PDE4D: variants seen among roughly 807,000 people sequenced by gnomAD.
PDE4D encodes phosphodiesterase 4D, also known as 3',5'-cyclic-AMP phosphodiesterase 4D.
Under a neutral mutation model 87.4 loss-of-function variants are expected in PDE4D, and 24 were observed. The ratio of observed to expected loss-of-function variants is 0.27; its 90% confidence interval spans 0.20 to 0.39. The LOEUF is 0.39. Among genes scored for constraint, PDE4D ranks in the 10% least tolerant of loss-of-function variants. The pLI, the probability that PDE4D is intolerant of heterozygous loss-of-function variation, is 1.00. For synonymous variants in PDE4D, 384 were observed against 383.2 expected (o/e 1.00, Z -0.02); for missense variants, 714 against 1,041.0 (o/e 0.69, Z 4.32).
intron 1 of PDE4D, among the ~76,000 whole-genome samples, chr5:59,756,298 A>T (rs1761205427): frequency 6.6e-6 from 1 of 152,136 alleles, no homozygotes; most frequent in Non-Finnish European, 1.5e-5. Context: ...GAATTTAACA[A>T]GCTAGTTATT....
At chr5:60,134,818 A>T (rs936933974) in intron 2 of PDE4D, among the ~76,000 whole-genome samples, 1 of 152,204 alleles carries the variant, frequency 6.6e-6, no homozygotes, top group Non-Finnish European at 1.5e-5. Context: ...TTTTTGATCC[A>T]TGGTTAGTTA....
intron 5 of PDE4D, among the ~76,000 whole-genome samples, chr5:59,075,075 AACACACACACACACACACACACACACAC>A (rs70973189): frequency 7.7e-6 from 1 of 129,798 alleles, no homozygotes; most frequent in African/African-American, 2.9e-5. Context: ...AAGCTTACAA[AACACACACACACACACACACACACACAC>A]ACACACACAC....
intron 1 of PDE4D, among the ~76,000 whole-genome samples, chr5:60,322,552 C>T (rs13178509): frequency 0.14 from 20,817 of 152,150 alleles, 1,565 homozygotes; most frequent in South Asian, 0.31. Context: ...ATTCTCTTAT[C>T]TTTCTCATAC....
At chr5:59,850,352 T>G (rs1744494207) in intron 1 of PDE4D, among the ~76,000 whole-genome samples, 1 of 152,054 alleles carries the variant, frequency 6.6e-6, no homozygotes, top group South Asian at 2.1e-4. Flanking sequence ...TTAATCATTA[T>G]GCACATCGGG....
intron 1 of PDE4D, among the ~76,000 whole-genome samples, chr5:59,479,072 A>G (rs551960842): frequency 6.6e-6 from 1 of 152,202 alleles, no homozygotes; most frequent in East Asian, 1.9e-4. Context: ...CATTGTTAAC[A>G]TGACAAAAGT....
At chr5:59,711,719 G>A (rs1754226121) in intron 1 of PDE4D, among the ~76,000 whole-genome samples, 1 of 152,042 alleles carries the variant, frequency 6.6e-6, no homozygotes, top group Non-Finnish European at 1.5e-5. Context: ...TTAATTGGTA[G>A]CATATTATTA....
At chr5:60,059,759 C>T (rs983923472) in intron 2 of PDE4D, among the ~76,000 whole-genome samples, 1 of 151,974 alleles carries the variant, frequency 6.6e-6, no homozygotes, top group Non-Finnish European at 1.5e-5. Context: ...AAAGAGGACA[C>T]CCAGGAGACA....
chr5:60,264,505 G>A (rs1167897858), intron 1 of PDE4D, among the ~76,000 whole-genome samples: 1 of 152,196 alleles, frequency 6.6e-6, no homozygotes, highest in South Asian at 2.1e-4. Flanking sequence ...ATCAGAATTG[G>A]AGAAGATAGC....
chr5:59,474,493 T>C (rs563522754), intron 1 of PDE4D, among the ~76,000 whole-genome samples: 6 of 152,198 alleles, frequency 3.9e-5, no homozygotes, highest in South Asian at 2.1e-4. Context: ...GGATATACTT[T>C]GACCAATTAT....
At chr5:59,521,324 A>G (rs1812201654) in intron 1 of PDE4D, among the ~76,000 whole-genome samples, 1 of 152,224 alleles carries the variant, frequency 6.6e-6, no homozygotes, top group Admixed American at 6.5e-5. Context: ...TGCATAAAGC[A>G]GTCAGGTCAG....
At chr5:59,917,304 A>G (rs2152775533) in intron 3 of PDE4D, among the ~76,000 whole-genome samples, 1 of 152,142 alleles carries the variant, frequency 6.6e-6, no homozygotes, top group African/African-American at 2.4e-5. Context: ...TCCAAGCTGA[A>G]CTCTAACCAT....
chr5:60,405,710 C>T (rs1741469924), intron 1 of PDE4D, among the ~76,000 whole-genome samples: 1 of 152,202 alleles, frequency 6.6e-6, no homozygotes, highest in Non-Finnish European at 1.5e-5. Flanking sequence ...AAAGCAGATA[C>T]TTCTACTGAG....
intron 1 of PDE4D, among the ~76,000 whole-genome samples, chr5:59,442,024 C>G (rs1296921913): frequency 6.6e-6 from 1 of 152,102 alleles, no homozygotes; most frequent in Non-Finnish European, 1.5e-5. Context: ...AAATATTTTA[C>G]CAAAATAAAA....
intron 5 of PDE4D, among the ~76,000 whole-genome samples, chr5:59,134,390 T>G (rs1053184488): frequency 6.6e-6 from 1 of 151,928 alleles, no homozygotes; most frequent in Non-Finnish European, 1.5e-5. Flanking sequence ...AAACCATCAT[T>G]AATTTTGTTC....
chr5:60,204,738 A>G (rs772790893), intron 1 of PDE4D, among the ~76,000 whole-genome samples: 16 of 152,192 alleles, frequency 1.1e-4, no homozygotes, highest in Non-Finnish European at 1.5e-4. Flanking sequence ...TAGTACTTGA[A>G]GGTGGGATAG....
intron 1 of PDE4D, among the ~76,000 whole-genome samples, chr5:59,449,878 T>C (rs1485590745): frequency 6.6e-6 from 1 of 152,184 alleles, no homozygotes; most frequent in East Asian, 1.9e-4. Context: ...TCACTTCAAT[T>C]TGTACAACAC....
intron 2 of PDE4D, among the ~76,000 whole-genome samples, chr5:60,006,097 C>T (rs755530366): frequency 6.6e-6 from 1 of 151,656 alleles, no homozygotes; most frequent in African/African-American, 2.4e-5. Context: ...AAAGGACTTA[C>T]AGATGAAGAA....
At chr5:59,730,635 A>G (rs1224195820) in intron 1 of PDE4D, among the ~76,000 whole-genome samples, 1 of 152,108 alleles carries the variant, frequency 6.6e-6, no homozygotes, top group Non-Finnish European at 1.5e-5. Context: ...TCAGCTATAA[A>G]TAGTCACAAA....
intron 3 of PDE4D, among the ~76,000 whole-genome samples, chr5:59,191,561 A>C (rs571546995): frequency 2.6e-4 from 39 of 151,854 alleles, no homozygotes; most frequent in Non-Finnish European, 5.3e-4. Context: ...TAGAATTATA[A>C]GTTTTCTTTC....
Sources: gnomAD v4.1 joint callset for allele counts (sites outside exome capture counted in the v4.1 genomes callset) on GRCh38, gnomAD v4.1.1 for gene constraint, MANE v1.5 for transcripts, NCBI Gene and HGNC (gene_info 2026-07-23, HGNC 2026-07-21) for gene names.